SMIM5: variants seen among roughly 807,000 people sequenced by gnomAD.
The protein encoded by SMIM5 is small integral membrane protein 5, also known as chromosome 17 open reading frame 109.
In SMIM5, 4 loss-of-function variants were observed where a neutral mutation model predicts 4.0. The observed-to-expected ratio is 1.01, with a 90% CI of 0.50 to 2.30. The LOEUF (loss-of-function observed/expected upper bound fraction) is 2.30, where lower values mean the gene tolerates loss of function less well. Ranked by LOEUF, SMIM5 falls within the 30% of genes most tolerant of loss-of-function variation. The pLI is 0.02. For missense variants in SMIM5, 107 were observed against 99.2 expected, an observed-to-expected ratio of 1.08 and a Z score of -0.34; for synonymous variants, 46 against 43.6, an observed-to-expected ratio of 1.05 and a Z score of -0.22.
intron 1 of SMIM5, chr17:75,638,636 GT>G (rs2059373412): frequency 6.6e-6 from 1 of 152,346 alleles, no homozygotes; most frequent in East Asian, 1.9e-4. Context: ...CCCAAAGCCA[GT>G]GAGACCCGTC....
In SMIM5 at chr17:75,633,993, G is replaced by A; in HGVS notation, c.-246G>A. On this transcript the variant is annotated 5_prime_UTR_variant, in exon 1 of 3. Coordinates refer to ENST00000375215, the MANE Select transcript of SMIM5 (RefSeq NM_001162995.3). ...CAAGTTCCCAAGCAGGGCTTCCTCG[G>A]GCTCCCCCTCGCGACGGTAATTTGA... The A allele has an allele frequency of 1.0e-6, 1 of 985,522 alleles. No homozygotes were observed. Among genetic ancestry groups the A allele is most frequent in the Non-Finnish European group, 1.2e-6 (1 of 830,000 alleles). 61.0% of individuals were successfully genotyped at this position (985,522 alleles called of 1,614,324 possible). A position where few individuals can be genotyped will look rare whatever the true frequency, so the allele number is the denominator to read the frequency against.
rs997046406 is a variant in SMIM5, at chr17:75,633,687, G to A, written c.-552G>A. The A allele has an allele frequency of 6.6e-5, 76 of 1,142,904 alleles. 1 individual carries two copies. The Middle Eastern group carries it at 7.5e-4, about 11-fold the overall frequency. 70.8% of individuals were successfully genotyped at this position (1,142,904 alleles called of 1,614,324 possible). A position where few individuals can be genotyped will look rare whatever the true frequency, so the allele number is the denominator to read the frequency against. Reference sequence around the variant, plus strand: ...GGACCAGCCAGGGAGTGGCCAGAGGGACAGAAGGGGTGGCCTTCCTGAGGG... The same window carrying A: ...GGACCAGCCAGGGAGTGGCCAGAGGAACAGAAGGGGTGGCCTTCCTGAGGG... On this transcript the variant is annotated 5_prime_UTR_variant, in exon 1 of 3. Coordinates refer to ENST00000375215, the MANE Select transcript of SMIM5 (RefSeq NM_001162995.3).
Position 75,640,422 on chromosome 17 carries a change from T to G in SMIM5, c.127+94T>G, listed in dbSNP as rs1599018319. On this transcript the variant is annotated intron_variant, in intron 2 of 2. Transcript: ENST00000375215. The surrounding 1 kb of genome is among the most constrained non-coding windows in gnomAD (Gnocchi z 4.6). ...CCAGAGGGCTGGCAGAGGTGGCGGG[T>G]GTCTGCCGGATCAAGGAGGAAAACC... is the stretch of plus-strand genomic sequence containing the variant. The G allele has an allele frequency of 3.9e-4, 555 of 1,436,352 alleles. No individual in the cohort carries two copies. The highest frequency in any genetic ancestry group is 4.6e-4 in the Non-Finnish European group (501 of 1,086,858). The allele number at this position is 1,436,352 out of a possible 1,614,324, so 89.0% of individuals were successfully genotyped here.
rs748393453 is a variant in SMIM5 at position 75,640,232 on chromosome 17, C to T, written c.31C>T (p.Arg11Cys). The T allele has an allele frequency of 7.1e-6, 11 of 1,550,734 alleles. No individual in the cohort carries two copies. The highest frequency in any genetic ancestry group is 4.1e-5 in the African/African-American group (3 of 73,044). The change falls in exon 2 of 3, where the codon CGC (arginine) becomes TGC (cysteine). Residue 11 changes from arginine to cysteine, a missense_variant. Coordinates refer to ENST00000375215, the MANE Select transcript of SMIM5 (RefSeq NM_001162995.3). This position sits in a 1 kb window ranked among gnomAD's most constrained non-coding sequence, Gnocchi z 4.6. MAATDFVQEM[R>C]AVGERLLLKL... ...TGCCACCGACTTCGTGCAGGAGATG[C>T]GCGCCGTGGGCGAGAGGCTGCTGCT... is the stretch of plus-strand genomic sequence containing the variant.
intron 1 of SMIM5, among the ~76,000 whole-genome samples, chr17:75,635,643 GC>G (rs1357560662): frequency 1.3e-5 from 2 of 152,184 alleles, no homozygotes; most frequent in Non-Finnish European, 2.9e-5. Context: ...GGCTGCTCAG[GC>G]ACAGGACCCT....
Position 75,633,441 on chromosome 17 carries a change from C to T in SMIM5, c.-798C>T. The T allele has an allele frequency of 7.8e-7, 1 of 1,289,076 alleles. No individual in the cohort carries two copies. The highest frequency in any genetic ancestry group is 1.0e-6 in the Non-Finnish European group (1 of 988,572). The allele number at this position is 1,289,076 out of a possible 1,614,324, so 79.9% of individuals were successfully genotyped here. A position where few individuals can be genotyped will look rare whatever the true frequency, so the allele number is the denominator to read the frequency against. On this transcript the variant is annotated 5_prime_UTR_variant, in exon 1 of 3. Coordinates refer to ENST00000375215, the MANE Select transcript of SMIM5 (RefSeq NM_001162995.3). ...CTGGGCCAGGAGTGCGGTCACAGCCCCAGCAGAAGGCCCTCACCTCACAAG... is the reference window on the plus strand; with the variant it reads ...CTGGGCCAGGAGTGCGGTCACAGCCTCAGCAGAAGGCCCTCACCTCACAAG...
At position 75,636,310 on chromosome 17, in the gene SMIM5, T is replaced by C. The variant is rs2059320913; in HGVS notation, c.-37+2108T>C. Among the ~76,000 whole-genome samples the C allele has an allele frequency of 6.6e-6, 1 of 152,102 alleles. No individual in the cohort carries two copies. The highest frequency in any genetic ancestry group is 2.1e-4 in the South Asian group (1 of 4,826). Reference sequence around the variant, plus strand: ...TACCAAGCGTGGGGTTGGGAGGGACTGGTTGCCCTGGTTCGCAGGTGGGAA... The same window carrying C: ...TACCAAGCGTGGGGTTGGGAGGGACCGGTTGCCCTGGTTCGCAGGTGGGAA... On this transcript the variant is annotated intron_variant, in intron 1 of 2. Transcript: ENST00000375215. This position sits in a 1 kb window ranked among gnomAD's most constrained non-coding sequence, Gnocchi z 5.4.
chr17:75,635,128 A>C (rs2059294600), intron 1 of SMIM5, among the ~76,000 whole-genome samples: 1 of 152,200 alleles, frequency 6.6e-6, no homozygotes. Flanking sequence ...TGAGAAACAA[A>C]AACAATGACC....
At chr17:75,638,022 A>C (rs1185957388) in intron 1 of SMIM5, 1 of 152,234 alleles carries the variant, frequency 6.6e-6, no homozygotes, top group Non-Finnish European at 1.5e-5. Flanking sequence ...TATGCCTCTC[A>C]GTACATTTGA....
chr17:75,640,922 G>A lies in SMIM5; in HGVS notation c.*25G>A. Reference sequence around the variant, plus strand: ...ACGGACGGGCGATGGCTGAGGAGAAGCTGGAGAGGAGATGGCCAATGCCAT... The same window carrying A: ...ACGGACGGGCGATGGCTGAGGAGAAACTGGAGAGGAGATGGCCAATGCCAT... On this transcript the variant is annotated 3_prime_UTR_variant, in exon 3 of 3. Transcript: ENST00000375215. The surrounding 1 kb of genome is among the most constrained non-coding windows in gnomAD (Gnocchi z 4.6). 2 of 1,538,834 alleles carry A rather than the reference G, an allele frequency of 1.3e-6. No homozygotes were observed. Among genetic ancestry groups the A allele is most frequent in the Non-Finnish European group, 1.7e-6 (2 of 1,145,976 alleles).
intron 1 of SMIM5, among the ~76,000 whole-genome samples, chr17:75,635,573 G>A (rs2059305952): frequency 6.6e-6 from 1 of 152,206 alleles, no homozygotes; most frequent in East Asian, 1.9e-4. Context: ...TCCAGTTGGA[G>A]CCAGGGCAAA....
In SMIM5 at chr17:75,636,604, T is replaced by C. The variant is rs2059326732; in HGVS notation, c.-37+2402T>C. 1 of 152,230 alleles carries C rather than the reference T, an allele frequency of 6.6e-6. No individual in the cohort carries two copies. The highest frequency in any genetic ancestry group is 1.5e-5 in the Non-Finnish European group (1 of 68,060). The allele number at this position is 152,230 out of a possible 1,614,324, so 9.4% of individuals were successfully genotyped here. On this transcript the variant is annotated intron_variant, in intron 1 of 2. Coordinates refer to ENST00000375215, the MANE Select transcript of SMIM5 (RefSeq NM_001162995.3). The surrounding 1 kb of genome is among the most constrained non-coding windows in gnomAD (Gnocchi z 5.4). The stretch of plus-strand genomic sequence containing the variant: ...TGGGCACCAAGTGTCAGGCACTCCT[T>C]GGCCTGGCTTTAAATAGCCCGCTGG...
At position 75,640,844 on chromosome 17, in the gene SMIM5, T is replaced by C; in HGVS notation, c.181T>C (p.Cys61Arg). The change falls in exon 3 of 3, where the codon TGC becomes CGC. Residue 61 changes from cysteine (C) to arginine (R), a missense_variant. Transcript: ENST00000375215. This position sits in a 1 kb window ranked among gnomAD's most constrained non-coding sequence, Gnocchi z 4.6. ...IACSCCCTHC[C>R]CPERRGRKVQ... is the part of the protein sequence containing the mutation. ...CTGCAGCTGCTGCTGCACTCACTGC[T>C]GCTGCCCTGAGCGGAGAGGCAGGAA... The C allele has an allele frequency of 6.5e-7, 1 of 1,549,572 alleles. No individual in the cohort carries two copies. Among genetic ancestry groups the C allele is most frequent in the Non-Finnish European group, 8.7e-7 (1 of 1,146,938 alleles).
chr17:75,633,754 C>T lies in SMIM5; in HGVS notation c.-485C>T. On this transcript the variant is annotated 5_prime_UTR_variant, in exon 1 of 3. Transcript: ENST00000375215. ...GACCTGAGAGCGCTGCAGGACTCCC[C>T]TCCACAGGCTCAGGTGGAGCCTCCC... The T allele has an allele frequency of 9.6e-7, 1 of 1,039,156 alleles. No homozygotes were observed. 64.4% of individuals were successfully genotyped at this position (1,039,156 alleles called of 1,614,324 possible). A position where few individuals can be genotyped will look rare whatever the true frequency, so the allele number is the denominator to read the frequency against.
At position 75,640,780 on chromosome 17, in the gene SMIM5, C is replaced by T. The variant is rs375715008; in HGVS notation, c.128-11C>T. Reference sequence around the variant, plus strand: ...CCAACCTGAGTCCCGTGCTCTCTCCCGGCCCTCCAGCTACTGTTCTGCTGT... The same window carrying T: ...CCAACCTGAGTCCCGTGCTCTCTCCTGGCCCTCCAGCTACTGTTCTGCTGT... On this transcript the variant is annotated splice_polypyrimidine_tract_variant and intron_variant, in intron 2 of 2. Transcript: ENST00000375215. This position sits in a 1 kb window ranked among gnomAD's most constrained non-coding sequence, Gnocchi z 4.6. The T allele has an allele frequency of 1.7e-5, 27 of 1,549,278 alleles. No individual in the cohort carries two copies. Among genetic ancestry groups the T allele is most frequent in the Middle Eastern group, 1.7e-4 (1 of 6,006 alleles).
rs891500326 is a variant in SMIM5, at chr17:75,633,849, C to T, written c.-390C>T. 2.9e-5 allele frequency: 29 copies of T among 996,170 alleles called. 1 individual carries two copies. The Middle Eastern group carries it at 1.5e-3, about 50-fold the overall frequency. The allele number at this position is 996,170 out of a possible 1,614,324, so 61.7% of individuals were successfully genotyped here. ...CAGCTCCCAACCCAGGCCCAGCCCA[C>T]GGCGTGGGAGTCGGGGAGAGGGAGA... On this transcript the variant is annotated 5_prime_UTR_variant, in exon 1 of 3. In the 5' UTR this introduces an upstream ATG that the reference lacks. Transcript: ENST00000375215.
In SMIM5 at chr17:75,640,700, G is replaced by C; in HGVS notation, c.128-91G>C. 1 of 1,503,432 alleles carries C rather than the reference G, an allele frequency of 6.7e-7. No homozygotes were observed. Among genetic ancestry groups the C allele is most frequent in the African/African-American group, 1.4e-5 (1 of 72,642 alleles). The allele number at this position is 1,503,432 out of a possible 1,614,324, so 93.1% of individuals were successfully genotyped here. ...ACCTCCACCAAACCTGTGGGGGAAA[G>C]ACCCTGGCAGGCAGTGGGTTTCTCT... On this transcript the variant is annotated intron_variant, in intron 2 of 2. Coordinates refer to ENST00000375215, the MANE Select transcript of SMIM5 (RefSeq NM_001162995.3). The surrounding 1 kb of genome is among the most constrained non-coding windows in gnomAD (Gnocchi z 4.6).
Position 75,640,826 on chromosome 17 carries a change from T to TGCTGCTGCACTC in SMIM5, c.164_175dup (p.Thr58_His59insArgCysCysThr), listed in dbSNP as rs770328446. 7 of 1,548,820 alleles carry TGCTGCTGCACTC rather than the reference T, an allele frequency of 4.5e-6. No individual in the cohort carries two copies. The South Asian group carries it at 8.3e-5, about 18-fold the overall frequency. On this transcript the variant is annotated inframe_insertion, in exon 3 of 3. Transcript: ENST00000375215. The surrounding 1 kb of genome is among the most constrained non-coding windows in gnomAD (Gnocchi z 4.6). ...GCTGTTGCTGCTGATAGCCTGCAGC[T>TGCTGCTGCACTC]GCTGCTGCACTCACTGCTGCTGCCC...
At chr17:75,639,062 T>C (rs1217628328) in intron 1 of SMIM5, 3 of 152,296 alleles carry the variant, frequency 2.0e-5, no homozygotes, top group Non-Finnish European at 4.4e-5. Context: ...GCCTCAAGGA[T>C]GGCCGCAGGC....
Sources: allele counts gnomAD v4.1 joint callset (sites outside exome capture counted in the v4.1 genomes callset), GRCh38; gene constraint gnomAD v4.1.1; non-coding constraint Gnocchi (gnomAD v3.1); transcripts MANE v1.5; gene names NCBI Gene and HGNC (gene_info 2026-07-23, HGNC 2026-07-21).